Variants in MRPL19 observed in about 807,000 individuals in gnomAD.
The protein encoded by MRPL19 is mitochondrial ribosomal protein L19, also known as large ribosomal subunit protein bL19m.
In MRPL19, 31 loss-of-function variants were observed where a neutral mutation model predicts 34.0. The observed-to-expected ratio is 0.91, with a 90% CI of 0.68 to 1.23. The LOEUF is 1.23. Among genes scored for constraint, MRPL19 ranks in the 50% most tolerant of loss-of-function variants. MRPL19 has a pLI of 0.00. For synonymous variants in MRPL19, 152 were observed against 127.7 expected, an observed-to-expected ratio of 1.19 and a Z score of -1.28; for missense variants, 384 against 367.6, an observed-to-expected ratio of 1.04 and a Z score of -0.37.
At chr2:75,649,102 G>T (rs1678278711) in intron 2 of MRPL19, among the ~76,000 whole-genome samples, 1 of 152,068 alleles carries the variant, frequency 6.6e-6, no homozygotes, top group South Asian at 2.1e-4. Flanking sequence ...CTTAGTCTAG[G>T]CATGTGGAAA....
rs1678600606 is a variant in MRPL19, at chr2:75,660,959, C to G, written c.*5674C>G. On this transcript the variant is annotated 3_prime_UTR_variant, in exon 6 of 6. Coordinates refer to ENST00000393909, the MANE Select transcript of MRPL19 (RefSeq NM_014763.4). ...ATATCTTGACCATAGTCTTTCGACC[C>G]AGGTGTTTGCGGTTGTTAGTTCACC... 6.6e-6 allele frequency: 1 copy of G among 152,166 alleles called. No homozygotes were observed. The highest frequency in any genetic ancestry group is 1.5e-5 in the Non-Finnish European group (1 of 68,028). 9.4% of individuals were successfully genotyped at this position (152,166 alleles called of 1,614,324 possible).
chr2:75,648,356 G>GT (rs1027306146), intron 2 of MRPL19, among the ~76,000 whole-genome samples: 4 of 152,106 alleles, frequency 2.6e-5, no homozygotes, highest in African/African-American at 9.7e-5. Flanking sequence ...GAGAATGAAT[G>GT]TAACAGTATT....
In MRPL19 at chr2:75,647,238, G is replaced by T. The variant is rs200706958; in HGVS notation, c.221+19G>T. The T allele has an allele frequency of 7.0e-5, 109 of 1,561,628 alleles. 1 individual carries two copies. In the East Asian group the frequency reaches 2.5e-3, roughly 36 times the overall value. On this transcript the variant is annotated intron_variant, in intron 2 of 5. Transcript: ENST00000393909. ...AACGCAGGTGAGGCACTGCCCTGGC[G>T]CTAGGCCGGCAACTGGGGTCGGTGC...
In MRPL19 at chr2:75,652,532, T is replaced by A; in HGVS notation, c.350T>A (p.Leu117His). Residue 117 changes from leucine (L) to histidine (H), a missense_variant, in exon 4 of 6, where the codon CTT becomes CAT. By Grantham distance (99) the Leu-to-His change is moderately conservative. Transcript: ENST00000393909. ...TCTTTTGAATTTGTAGGAAGTATTC[T>A]TCGTGTTACTACAGCTGACCCATAT... ...HIPEFYVGSI[L>H]RVTTADPYAS... The A allele has an allele frequency of 6.2e-7, 1 of 1,610,966 alleles. No homozygotes were observed.
chr2:75,647,177 C>A lies in MRPL19; in HGVS notation c.179C>A (p.Pro60Gln), dbSNP rs1277724375. The change falls in exon 2 of 6, where the codon CCG (proline) becomes CAG (glutamine). Residue 60 changes from proline to glutamine, a missense_variant. By Grantham distance (76) the Pro-to-Gln change is moderately conservative. Transcript: ENST00000393909. ...EPGAFQPPPKPVIVDKHRPVE... is the reference protein window; with the variant it reads ...EPGAFQPPPKQVIVDKHRPVE... ...GGTGCGTTCCAACCGCCGCCGAAAC[C>A]GGTCATCGTGGACAAGCACCGCCCC... is the stretch of plus-strand genomic sequence containing the variant. 3 of 1,580,748 alleles carry A rather than the reference C, an allele frequency of 1.9e-6. No homozygotes were observed. Among genetic ancestry groups the A allele is most frequent in the East Asian group, 4.6e-5 (2 of 43,036 alleles).
At position 75,654,837 on chromosome 2, in the gene MRPL19, G is replaced by C. The variant is rs1347798964; in HGVS notation, c.577G>C (p.Ala193Pro). The C allele has an allele frequency of 1.2e-6, 2 of 1,613,844 alleles. No homozygotes were observed. The highest frequency in any genetic ancestry group is 1.7e-6 in the Non-Finnish European group (2 of 1,179,892). Residue 193 changes from alanine to proline, a missense_variant, in exon 5 of 6, where the codon GCC (alanine) becomes CCC (proline). By Grantham distance (27) the Ala-to-Pro change is conservative. Coordinates refer to ENST00000393909, the MANE Select transcript of MRPL19 (RefSeq NM_014763.4). ...TGATAGCTTGCTATACTTACGAGAT[G>C]CCCTTCCTGAATATAGCACTTTTGA... ...LDDSLLYLRDALPEYSTFDVN... is the reference protein window; with the variant it reads ...LDDSLLYLRDPLPEYSTFDVN...
rs1212657084 is a variant in MRPL19, at chr2:75,650,772, T to A, written c.222-1370T>A. Among the ~76,000 whole-genome samples, 4 of 152,098 alleles carry A rather than the reference T, an allele frequency of 2.6e-5. No individual in the cohort carries two copies. The East Asian group carries it at 7.7e-4, about 29-fold the overall frequency. Reference sequence around the variant, plus strand: ...GGGGAAAAGCAAGAATTATTAAACGTGGTCAAGGAGCGAAGAGCACTATGA... The same window carrying A: ...GGGGAAAAGCAAGAATTATTAAACGAGGTCAAGGAGCGAAGAGCACTATGA... On this transcript the variant is annotated intron_variant, in intron 2 of 5. Transcript: ENST00000393909.
chr2:75,653,361 C>T (rs562846430), intron 4 of MRPL19, among the ~76,000 whole-genome samples: 2 of 152,304 alleles, frequency 1.3e-5, no homozygotes, highest in African/African-American at 4.8e-5. Flanking sequence ...TTGATTTGTG[C>T]CTTCAATCTG....
chr2:75,653,620 A>G (rs753595579), intron 4 of MRPL19, among the ~76,000 whole-genome samples: 2 of 152,280 alleles, frequency 1.3e-5, no homozygotes, highest in South Asian at 2.1e-4. Flanking sequence ...TTCCTGCATT[A>G]GTGTTTCCTT....
At position 75,658,625 on chromosome 2, in the gene MRPL19, T is replaced by C. The variant is rs1289520000; in HGVS notation, c.*3340T>C. On this transcript the variant is annotated 3_prime_UTR_variant, in exon 6 of 6. Transcript: ENST00000393909. ...CTACATGTTTATGAATTTCCCACTG[T>C]TTTTTTGTTATTGATTTCCAAGTTC... Among the ~76,000 whole-genome samples the C allele has an allele frequency of 6.6e-6, 1 of 152,134 alleles. No homozygotes were observed. Among genetic ancestry groups the C allele is most frequent in the African/African-American group, 2.4e-5 (1 of 41,426 alleles).
In MRPL19 at chr2:75,658,567, C is replaced by T. The variant is rs1678520120; in HGVS notation, c.*3282C>T. Among the ~76,000 whole-genome samples the T allele has an allele frequency of 6.6e-6, 1 of 152,108 alleles. No individual in the cohort carries two copies. Among genetic ancestry groups the T allele is most frequent in the South Asian group, 2.1e-4 (1 of 4,822 alleles). On this transcript the variant is annotated 3_prime_UTR_variant, in exon 6 of 6. Coordinates refer to ENST00000393909, the MANE Select transcript of MRPL19 (RefSeq NM_014763.4). ...TCATGTTTTATTTCTCTTGTGATTT[C>T]TTCTTCGATCCCCTGGTTGAGTGTG...
rs1678539603 is a variant in MRPL19, at chr2:75,659,113, C to G, written c.*3828C>G. 6.6e-6 allele frequency among the ~76,000 whole-genome samples: 1 copy of G among 151,854 alleles called. No individual in the cohort carries two copies. Among genetic ancestry groups the G allele is most frequent in the Non-Finnish European group, 1.5e-5 (1 of 67,918 alleles). ...CATTTCCTCTTTATGGCCTTCTTTT[C>G]TGTTTTTTTGTAGTGAACTAGTCTG... On this transcript the variant is annotated 3_prime_UTR_variant, in exon 6 of 6. Transcript: ENST00000393909.
rs941041112 is a variant in MRPL19 at position 75,656,330 on chromosome 2, A to G, written c.*1045A>G. The G allele has an allele frequency of 6.6e-6, 1 of 152,170 alleles. No individual in the cohort carries two copies. The highest frequency in any genetic ancestry group is 1.5e-5 in the Non-Finnish European group (1 of 68,030). The allele number at this position is 152,170 out of a possible 1,614,324, so 9.4% of individuals were successfully genotyped here. A position where few individuals can be genotyped will look rare whatever the true frequency, so the allele number is the denominator to read the frequency against. On this transcript the variant is annotated 3_prime_UTR_variant, in exon 6 of 6. Coordinates refer to ENST00000393909, the MANE Select transcript of MRPL19 (RefSeq NM_014763.4). ...ACCTGGATATACTGTTCCTCAGGTTAAAAAATACAGTACTATCCTAAATCT... is the reference window on the plus strand; with the variant it reads ...ACCTGGATATACTGTTCCTCAGGTTGAAAAATACAGTACTATCCTAAATCT...
At chr2:75,653,090 C>T (rs1678365935) in intron 4 of MRPL19, among the ~76,000 whole-genome samples, 1 of 152,096 alleles carries the variant, frequency 6.6e-6, no homozygotes, top group South Asian at 2.1e-4. Context: ...TTATCACTGT[C>T]TTATATGACT....
Position 75,652,177 on chromosome 2 carries a change from G to A in MRPL19, c.257G>A (p.Arg86Lys). Residue 86 changes from arginine (R) to lysine (K), a missense_variant, in exon 3 of 6, where the codon AGA (arginine) becomes AAA (lysine). Coordinates refer to ENST00000393909, the MANE Select transcript of MRPL19 (RefSeq NM_014763.4). ...CCTGAATTCATTCCTCGAAGGGGAA[G>A]AACAGATCCTCTGAAATTTCAAATA... ...LSPEFIPRRG[R>K]TDPLKFQIER... is the part of the protein sequence containing the mutation. 1 of 1,603,526 alleles carries A rather than the reference G, an allele frequency of 6.2e-7. No individual in the cohort carries two copies. The highest frequency in any genetic ancestry group is 8.5e-7 in the Non-Finnish European group (1 of 1,174,632).
intron 2 of MRPL19, chr2:75,651,291 T>G: frequency 1.9e-6 from 1 of 515,060 alleles, no homozygotes; most frequent in East Asian, 5.5e-5. Flanking sequence ...GTGCTGCAGC[T>G]GTGTCTCTGG....
In MRPL19 at chr2:75,659,596, G is replaced by A. The variant is rs1404411747; in HGVS notation, c.*4311G>A. 6.6e-6 allele frequency among the ~76,000 whole-genome samples: 1 copy of A among 152,112 alleles called. No homozygotes were observed. Among genetic ancestry groups the A allele is most frequent in the African/African-American group, 2.4e-5 (1 of 41,438 alleles). On this transcript the variant is annotated 3_prime_UTR_variant, in exon 6 of 6. Coordinates refer to ENST00000393909, the MANE Select transcript of MRPL19 (RefSeq NM_014763.4). ...CTCCCTCAGCTTTTGTTTTATCTGA[G>A]AATGTCTTGATTTCTCCCTTATTTT...
chr2:75,649,860 T>C (rs1317928737), intron 2 of MRPL19, among the ~76,000 whole-genome samples: 1 of 152,112 alleles, frequency 6.6e-6, no homozygotes, highest in Non-Finnish European at 1.5e-5. Context: ...CTGGAACTCC[T>C]GGGCTCAAAC....
chr2:75,654,680 A>G, intron 4 of MRPL19, 56 bp from the exon 5 acceptor site: 1 of 1,518,586 alleles, frequency 6.6e-7, no homozygotes, highest in Non-Finnish European at 9.0e-7. Flanking sequence ...TGCAGTATGA[A>G]ACATGTATAG....
Sources: allele counts gnomAD v4.1 joint callset (sites outside exome capture counted in the v4.1 genomes callset), GRCh38; gene constraint gnomAD v4.1.1; transcripts MANE v1.5; gene names NCBI Gene and HGNC (gene_info 2026-07-23, HGNC 2026-07-21).